Variants in CCP110 observed in about 807,000 individuals in gnomAD.
The protein encoded by CCP110 is centriolar coiled-coil protein of 110 kDa.
CCP110 carries 43 observed loss-of-function variants against 105.5 expected under a neutral mutation model. The observed-to-expected ratio is 0.41, with a 90% confidence interval of 0.32 to 0.53. CCP110 has a LOEUF of 0.53. CCP110 is among the 20% of genes least tolerant of loss of function. CCP110 has a pLI of 0.32. For missense variants in CCP110, 1,016 were observed against 1,189.1 expected, an observed-to-expected ratio of 0.85 and a Z score of 2.14; for synonymous variants, 353 against 392.1, an observed-to-expected ratio of 0.90 and a Z score of 1.18.
chr16:19,540,806 G>A lies in CCP110; in HGVS notation c.2049+19G>A. 1.2e-6 allele frequency: 2 copies of A among 1,606,484 alleles called. No individual in the cohort carries two copies. The highest frequency in any genetic ancestry group is 2.2e-5 in the South Asian group (2 of 89,140). ...GCAAAAGGTGAGGAATGTGGAGGGA[G>A]ATACAACTGGTAAGTGAAATTTAGC... On this transcript the variant is annotated intron_variant, in intron 5 of 14. Transcript: ENST00000381396.
exon 2 of CCP110, chr16:19,527,996 C>T: frequency 1.2e-6 from 2 of 1,612,918 alleles, no homozygotes; most frequent in Non-Finnish European, 1.7e-6. Context: ...TATTCGCTTT[C>T]ATGGAGTGGC....
intron 1 of CCP110, chr16:19,526,737 G>A (rs1433582529): frequency 2.0e-5 from 3 of 151,444 alleles, no homozygotes; most frequent in Non-Finnish European, 4.4e-5. Context: ...TTGGTGTACT[G>A]AATTTTTAAG....
At chr16:19,546,371 T>C (rs780875217) in intron 11 of CCP110, 41 bp from the exon 12 acceptor site, 2 of 1,152,430 alleles carry the variant, frequency 1.7e-6, no homozygotes, top group African/African-American at 1.5e-5. Context: ...TTTTCTTCCC[T>C]TCTCTAAATA....
At chr16:19,536,588 A>G in exon 4 of CCP110, 2 of 1,614,150 alleles carry the variant, frequency 1.2e-6, no homozygotes, top group South Asian at 1.1e-5. Context: ...AGGTGCTTCC[A>G]CTCAAGCAAG....
At chr16:19,531,710 G>A (rs1969874121) in intron 2 of CCP110, among the ~76,000 whole-genome samples, 1 of 152,216 alleles carries the variant, frequency 6.6e-6, no homozygotes, top group South Asian at 2.1e-4. Context: ...GCTCGCGCCT[G>A]TAATCCCAGC....
At chr16:19,543,107 T>C (rs1055571696) in intron 8 of CCP110, 113 bp downstream of exon 8, 6 of 652,714 alleles carry the variant, frequency 9.2e-6, no homozygotes, top group African/African-American at 7.3e-5. Flanking sequence ...GTCACTGTAA[T>C]CTAGGCAGTT....
At chr16:19,543,017 G>T (rs1175009255) in intron 8 of CCP110, 23 bp downstream of exon 8, 1 of 1,258,932 alleles carries the variant, frequency 7.9e-7, no homozygotes, top group African/African-American at 1.5e-5. Flanking sequence ...TAAATCGTTT[G>T]TATTTCACTT....
chr16:19,549,454 G>A (rs913290141), intron 14 of CCP110, among the ~76,000 whole-genome samples: 1 of 152,154 alleles, frequency 6.6e-6, no homozygotes, highest in African/African-American at 2.4e-5. Context: ...GAGGGAACAA[G>A]CTATTGGTCG....
Position 19,536,871 on chromosome 16 carries a change from C to CT in CCP110, c.1203dup (p.Lys402Ter). On this transcript the variant is annotated frameshift_variant, in exon 4 of 15. Coordinates refer to ENST00000381396, the Ensembl canonical transcript of CCP110. LOFTEE classifies it high-confidence loss of function. ...CCAATAAATGCCTGTGAATTAAGCC[C>CT]TAAAGGAAAAGAACAGGCAATGGAC... is the stretch of plus-strand genomic sequence containing the variant. 2 of 1,614,020 alleles carry CT rather than the reference C, an allele frequency of 1.2e-6. No homozygotes were observed. The highest frequency in any genetic ancestry group is 1.7e-6 in the Non-Finnish European group (2 of 1,180,008).
intron 5 of CCP110, among the ~76,000 whole-genome samples, chr16:19,541,287 G>A (rs905828526): frequency 1.3e-5 from 2 of 151,010 alleles, no homozygotes; most frequent in African/African-American, 2.4e-5. Flanking sequence ...AAAAAAGAAC[G>A]ACACTTGTTA....
exon 11 of CCP110, chr16:19,545,884 A>G: frequency 6.3e-7 from 1 of 1,590,776 alleles, no homozygotes; most frequent in Non-Finnish European, 8.6e-7. Flanking sequence ...AGGAAGAAAT[A>G]CATGAAGTAA....
Position 19,542,483 on chromosome 16 carries a change from T to A in CCP110, c.2228-138T>A, listed in dbSNP as rs1300220856. ...CCTGGTATGTAAGCTTTAAAGTCCA[T>A]AAATATTTTAAGTCGGCAGGTAGGT... On this transcript the variant is annotated intron_variant, in intron 6 of 14. Coordinates refer to ENST00000381396, the Ensembl canonical transcript of CCP110. 7.8e-6 allele frequency: 5 copies of A among 638,044 alleles called. No individual in the cohort carries two copies. In the African/African-American group the frequency reaches 9.2e-5, roughly 12 times the overall value. The allele number at this position is 638,044 out of a possible 1,614,324, so 39.5% of individuals were successfully genotyped here.
At chr16:19,524,286 G>A (rs1027344075) in intron 1 of CCP110, among the ~76,000 whole-genome samples, 198 bp downstream of exon 1, 5 of 152,150 alleles carry the variant, frequency 3.3e-5, no homozygotes, top group Non-Finnish European at 7.4e-5. Context: ...GTGATGCTCC[G>A]ATGCTGGCCC....
intron 2 of CCP110, among the ~76,000 whole-genome samples, chr16:19,529,906 T>TA (rs1431016295): frequency 6.6e-6 from 1 of 152,182 alleles, no homozygotes; most frequent in Non-Finnish European, 1.5e-5. Flanking sequence ...CAGTTTTTTT[T>TA]ATTGGTTGAG....
chr16:19,541,413 A>G (rs1339444595), intron 5 of CCP110, among the ~76,000 whole-genome samples: 3 of 152,108 alleles, frequency 2.0e-5, no homozygotes, highest in East Asian at 1.9e-4. Context: ...TGGATGGATC[A>G]CCTGAGGTCA....
chr16:19,536,035 A>G lies in CCP110; in HGVS notation c.366A>G (p.Thr122=), dbSNP rs10492785. The G allele has an allele frequency of 0.098, 158,885 of 1,613,528 alleles. 12,358 individuals carry two copies. Among genetic ancestry groups the G allele is most frequent in the East Asian group, 0.39 (17,518 of 44,832 alleles). The stretch of plus-strand genomic sequence containing the variant: ...TCAGAAACTTGAATGTTCCTGCTAC[A>G]TTTCCAAATAGCTTTCCAAGCCATA... Residue 122 remains threonine, a synonymous_variant, in exon 4 of 15, where the codon ACA becomes ACG. Transcript: ENST00000381396.
intron 4 of CCP110, among the ~76,000 whole-genome samples, chr16:19,539,863 G>A (rs1230506945): frequency 6.0e-5 from 9 of 150,820 alleles, no homozygotes; most frequent in Admixed American, 2.6e-4. Context: ...GCAATGGTGC[G>A]ATCTCAGCTC....
chr16:19,526,595 GGAA>G (rs1388331920), intron 1 of CCP110: 1 of 152,082 alleles, frequency 6.6e-6, no homozygotes, highest in Non-Finnish European at 1.5e-5. Flanking sequence ...TTGAATAGTA[GGAA>G]GAAGTTTTGT....
rs980114154 is a variant in CCP110, at chr16:19,548,735, T to G, written c.2986+135T>G. The G allele has an allele frequency of 1.4e-5, 8 of 582,532 alleles. No homozygotes were observed. Among genetic ancestry groups the G allele is most frequent in the Non-Finnish European group, 2.4e-5 (8 of 331,794 alleles). 36.1% of individuals were successfully genotyped at this position (582,532 alleles called of 1,614,324 possible). On this transcript the variant is annotated intron_variant, in intron 14 of 14. Coordinates refer to ENST00000381396, the Ensembl canonical transcript of CCP110. This position sits in a 1 kb window ranked among gnomAD's most constrained non-coding sequence, Gnocchi z 4.1. ...TTTTGGCATATTCACAGTCATCTTA[T>G]TAGTGTTCTTTGGTCTTAGCATTGT...
Sources: gnomAD v4.1 joint callset for allele counts (sites outside exome capture counted in the v4.1 genomes callset) on GRCh38, gnomAD v4.1.1 for gene constraint, Gnocchi (gnomAD v3.1) non-coding constraint, MANE v1.5 for transcripts, NCBI Gene and HGNC (gene_info 2026-07-23, HGNC 2026-07-21) for gene names.